Variants in RALGAPA2 observed in about 807,000 individuals in gnomAD.
RALGAPA2 encodes ral GTPase-activating protein subunit alpha-2.
In RALGAPA2, 139 loss-of-function variants were observed where a neutral mutation model predicts 230.4. That is an observed-to-expected ratio of 0.60 (90% CI 0.53 to 0.69). The LOEUF is 0.69. RALGAPA2 is among the 30% of genes least tolerant of loss of function. The pLI, the probability that RALGAPA2 is intolerant of heterozygous loss-of-function variation, is 0.00. For synonymous variants in RALGAPA2, 847 were observed against 837.8 expected, an observed-to-expected ratio of 1.01 and a Z score of -0.19; for missense variants, 2,163 against 2,276.0, an observed-to-expected ratio of 0.95 and a Z score of 1.01.
intron 37 of RALGAPA2, among the ~76,000 whole-genome samples, chr20:20,447,293 T>C (rs1216100732): frequency 4.6e-5 from 7 of 152,140 alleles, no homozygotes; most frequent in Non-Finnish European, 7.3e-5. Context: ...AAAGACTTTA[T>C]CATGAAAACA....
intron 35 of RALGAPA2, among the ~76,000 whole-genome samples, chr20:20,502,132 A>G (rs77747173): frequency 0.026 from 3,952 of 152,334 alleles, 77 homozygotes; most frequent in Non-Finnish European, 0.04. Context: ...AATGGTGCCA[A>G]TAGACTTGTT....
Position 20,651,736 on chromosome 20 carries a change from A to C in RALGAPA2, c.328+1794T>G, listed in dbSNP as rs1373228047. The stretch of plus-strand genomic sequence containing the variant: ...TGCTGTGAAGAGCCTACTAATCTTC[A>C]GACATTCTAAAGTGCTATCTAAAGA... On this transcript the variant is annotated intron_variant, in intron 4 of 39. Coordinates refer to ENST00000202677, the MANE Select transcript of RALGAPA2 (RefSeq NM_020343.4). Among the ~76,000 whole-genome samples, 3 of 152,236 alleles carry C rather than the reference A, an allele frequency of 2.0e-5. No individual in the cohort carries two copies. The East Asian group carries it at 5.8e-4, about 29-fold the overall frequency.
In RALGAPA2 at chr20:20,535,758, T is replaced by G. The variant is rs2063480520; in HGVS notation, c.3460A>C (p.Asn1154His). The change falls in exon 26 of 40, where the codon AAT becomes CAT. Residue 1154 changes from asparagine (N) to histidine (H), a missense_variant. Coordinates refer to ENST00000202677, the MANE Select transcript of RALGAPA2 (RefSeq NM_020343.4). Reference protein sequence around the residue: ...ILLKNATEEPNEYARCIAVCS... With the variant: ...ILLKNATEEPHEYARCIAVCS... ...TTCAACATTTACCTTGCATATTCAT[T>G]TGGTTCTTCTGTGGCATTCTTCAGT... The G allele has an allele frequency of 6.5e-7, 1 of 1,548,856 alleles. No homozygotes were observed. The highest frequency in any genetic ancestry group is 2.0e-5 in the Admixed American group (1 of 50,698).
At chr20:20,566,317 G>A (rs759912222) in intron 23 of RALGAPA2, among the ~76,000 whole-genome samples, 6 of 152,184 alleles carry the variant, frequency 3.9e-5, no homozygotes, top group Non-Finnish European at 8.8e-5. Flanking sequence ...AAAGTGAGCC[G>A]ATAGCCATGG....
Position 20,683,719 on chromosome 20 carries a change from C to T in RALGAPA2, c.107-2918G>A, listed in dbSNP as rs190952946. On this transcript the variant is annotated intron_variant, in intron 1 of 39. Coordinates refer to ENST00000202677, the MANE Select transcript of RALGAPA2 (RefSeq NM_020343.4). ...CAAAGCCCCTGACTCAAAGACTCGG[C>T]GCAGCCCTTGAGAAGAATGCCCTGA... 2.4e-3 allele frequency among the ~76,000 whole-genome samples: 363 copies of T among 152,316 alleles called. 1 individual carries two copies. The highest frequency in any genetic ancestry group is 8.1e-3 in the African/African-American group (338 of 41,568).
intron 38 of RALGAPA2, among the ~76,000 whole-genome samples, chr20:20,409,630 T>C (rs745977420): frequency 6.6e-5 from 10 of 152,224 alleles, no homozygotes; most frequent in Non-Finnish European, 1.5e-4. Flanking sequence ...TTGATCGCCC[T>C]TGTCCCAAGA....
chr20:20,553,217 A>G (rs961658035), intron 23 of RALGAPA2, among the ~76,000 whole-genome samples: 4 of 152,200 alleles, frequency 2.6e-5, no homozygotes, highest in African/African-American at 9.6e-5. Context: ...CAGGAGAAAT[A>G]TTACAGGACA....
chr20:20,458,869 TATATATACACAC>T lies in RALGAPA2; in HGVS notation c.5495+13948_5495+13959del, dbSNP rs1569418329. On this transcript the variant is annotated intron_variant, in intron 37 of 39. Coordinates refer to ENST00000202677, the MANE Select transcript of RALGAPA2 (RefSeq NM_020343.4). ...ATATATATAGACCTATATATATATA[TATATATACACAC>T]ACACAAATAAATAAAATATATATAT... Among the ~76,000 whole-genome samples the T allele has an allele frequency of 4.0e-3, 45 of 11,126 alleles. 2 individuals are homozygous for T. Among genetic ancestry groups the T allele is most frequent in the East Asian group, 0.033 (12 of 366 alleles). 7.3% of individuals were successfully genotyped at this position (11,126 alleles called of 152,430 possible). A position where few individuals can be genotyped will look rare whatever the true frequency, so the allele number is the denominator to read the frequency against.
chr20:20,696,566 G>A (rs2069119029), intron 1 of RALGAPA2, among the ~76,000 whole-genome samples: 1 of 151,948 alleles, frequency 6.6e-6, no homozygotes, highest in African/African-American at 2.4e-5. Context: ...GGATGCCAAA[G>A]TTCCACACCA....
At chr20:20,498,786 G>A (rs2062288547) in intron 35 of RALGAPA2, among the ~76,000 whole-genome samples, 1 of 152,134 alleles carries the variant, frequency 6.6e-6, no homozygotes, top group Admixed American at 6.5e-5. Flanking sequence ...TGTTTTTTAT[G>A]TGGCTGGCCA....
At chr20:20,498,872 T>C (rs1050904690) in intron 35 of RALGAPA2, among the ~76,000 whole-genome samples, 1 of 152,168 alleles carries the variant, frequency 6.6e-6, no homozygotes, top group Non-Finnish European at 1.5e-5. Flanking sequence ...ACAAATCCAA[T>C]AGCACAGCTC....
chr20:20,702,064 G>GAAAGA lies in RALGAPA2; in HGVS notation c.106+10306_106+10310dup, dbSNP rs1167202668. Among the ~76,000 whole-genome samples, 3 of 150,858 alleles carry GAAAGA rather than the reference G, an allele frequency of 2.0e-5. 1 individual carries two copies. The highest frequency in any genetic ancestry group is 2.0e-4 in the Admixed American group (3 of 15,154). On this transcript the variant is annotated intron_variant, in intron 1 of 39. Coordinates refer to ENST00000202677, the MANE Select transcript of RALGAPA2 (RefSeq NM_020343.4). The stretch of plus-strand genomic sequence containing the variant: ...CAATAAAAAAAAAAAAAGAAAGAAA[G>GAAAGA]AAAGAAAAGAAAAGAAGCATGGTGC...
At chr20:20,442,880 C>T (rs2060769222) in intron 37 of RALGAPA2, among the ~76,000 whole-genome samples, 1 of 152,256 alleles carries the variant, frequency 6.6e-6, no homozygotes. Context: ...TATGCACGAA[C>T]TGAACCCAAT....
chr20:20,519,150 C>G (rs2062961805), intron 31 of RALGAPA2, among the ~76,000 whole-genome samples: 1 of 152,174 alleles, frequency 6.6e-6, no homozygotes, highest in African/African-American at 2.4e-5. Flanking sequence ...ATTTTAGGAA[C>G]TTGGTCATTA....
chr20:20,448,873 GAA>G (rs199891651), intron 37 of RALGAPA2, among the ~76,000 whole-genome samples: 9 of 124,542 alleles, frequency 7.2e-5, no homozygotes, highest in East Asian at 2.2e-4. Context: ...AATGTATATT[GAA>G]AAAAAAAAAA....
At chr20:20,439,318 T>A (rs554210357) in intron 37 of RALGAPA2, among the ~76,000 whole-genome samples, 1 of 151,958 alleles carries the variant, frequency 6.6e-6, no homozygotes, top group East Asian at 1.9e-4. Flanking sequence ...GCTCAAGCGA[T>A]CCTCCCACCT....
intron 38 of RALGAPA2, among the ~76,000 whole-genome samples, chr20:20,401,425 G>A (rs1343166873): frequency 6.6e-6 from 1 of 152,144 alleles, no homozygotes; most frequent in African/African-American, 2.4e-5. Flanking sequence ...AAAGCAAATA[G>A]GGCCAACCCA....
At position 20,583,180 on chromosome 20, in the gene RALGAPA2, T is replaced by C. The variant is rs1428450295; in HGVS notation, c.2577A>G (p.Ala859=). 1 of 1,613,700 alleles carries C rather than the reference T, an allele frequency of 6.2e-7. No individual in the cohort carries two copies. The highest frequency in any genetic ancestry group is 8.5e-7 in the Non-Finnish European group (1 of 1,179,706). ...TCTGCCATGGGCCCATGGACAGCTC[T>C]GCCTCATTGGTACAGCCCAGAGTTG... ...SDTTLGCTNE[A]ELSMGPWQTC... is the part of the protein sequence containing the mutation. Residue 859 remains alanine, a synonymous_variant, in exon 20 of 40, where the codon GCA becomes GCG. Transcript: ENST00000202677.
chr20:20,653,625 G>C, intron 3 of RALGAPA2, 38 bp from the exon 4 acceptor site: 1 of 1,231,756 alleles, frequency 8.1e-7, no homozygotes, highest in Non-Finnish European at 1.1e-6. Context: ...AACAACAAAT[G>C]AAATTACACA....
Sources: allele counts gnomAD v4.1 joint callset (sites outside exome capture counted in the v4.1 genomes callset), GRCh38; gene constraint gnomAD v4.1.1; transcripts MANE v1.5; gene names NCBI Gene and HGNC (gene_info 2026-07-23, HGNC 2026-07-21).